WDR41: variants seen among roughly 807,000 people sequenced by gnomAD.
The protein encoded by WDR41 is WD repeat domain 41, also known as WD repeat-containing protein 41.
Under a neutral mutation model 69.3 loss-of-function variants are expected in WDR41, and 63 were observed. That is an observed-to-expected ratio of 0.91 (90% CI 0.74 to 1.12). The LOEUF (loss-of-function observed/expected upper bound fraction) is 1.12. Among genes scored for constraint, WDR41 ranks in the 50% most tolerant of loss-of-function variants. The probability of loss-of-function intolerance (pLI) is 0.00; values close to 1 mark genes in which losing one functional copy is unlikely to be tolerated. For synonymous variants in WDR41, 185 were observed against 192.1 expected, an observed-to-expected ratio of 0.96 and a Z score of 0.31; for missense variants, 543 against 534.5, an observed-to-expected ratio of 1.02 and a Z score of -0.16.
chr5:77,549,670 C>T (rs943937799), intron 1 of WDR41, among the ~76,000 whole-genome samples: 1 of 152,104 alleles, frequency 6.6e-6, no homozygotes, highest in African/African-American at 2.4e-5. Context: ...TTGGAAGAAT[C>T]AATATTATTA....
chr5:77,436,313 G>A lies in WDR41; in HGVS notation c.1175C>T (p.Ser392Leu), dbSNP rs768854198. Reference sequence around the variant, plus strand: ...ATCTCCAATAAGCTCCAGTGAACATGAAGTAGCATTTTCTTGCTGCTTTTT... The same window carrying A: ...ATCTCCAATAAGCTCCAGTGAACATAAAGTAGCATTTTCTTGCTGCTTTTT... ...PVKKQQENATSCSLELIGDLI... is the reference protein window; with the variant it reads ...PVKKQQENATLCSLELIGDLI... The change falls in exon 12 of 13, where the codon TCA (serine) becomes TTA (leucine). Residue 392 changes from serine (S) to leucine (L), a missense_variant. Coordinates refer to ENST00000296679, the MANE Select transcript of WDR41 (RefSeq NM_018268.4). 1 of 1,614,102 alleles carries A rather than the reference G, an allele frequency of 6.2e-7. No individual in the cohort carries two copies. The highest frequency in any genetic ancestry group is 2.2e-5 in the East Asian group (1 of 44,872).
At chr5:77,551,927 C>T (rs1468100281) in intron 1 of WDR41, among the ~76,000 whole-genome samples, 4 of 146,906 alleles carry the variant, frequency 2.7e-5, no homozygotes, top group Non-Finnish European at 4.5e-5. Flanking sequence ...TGCAGCGAGC[C>T]GAGATCGTGC....
chr5:77,519,718 A>G (rs1802344754), intron 1 of WDR41, among the ~76,000 whole-genome samples: 1 of 151,684 alleles, frequency 6.6e-6, no homozygotes, highest in African/African-American at 2.4e-5. Flanking sequence ...TTAAGTGTTT[A>G]TGTTAAATGT....
intron 2 of WDR41, among the ~76,000 whole-genome samples, chr5:77,473,658 A>G (rs1404041057): frequency 2.6e-5 from 4 of 152,368 alleles, no homozygotes; most frequent in Middle Eastern, 3.4e-3. Flanking sequence ...ACTTCTCAAA[A>G]GAAGATATTT....
Position 77,436,288 on chromosome 5 carries a change from A to G in WDR41, c.1200T>C (p.Asp400=). The change falls in exon 12 of 13, where the codon GAT becomes GAC. Residue 400 remains aspartate, a synonymous_variant. Transcript: ENST00000296679. ...ATSCSLELIG[D]LIGHSSSVEM... Reference sequence around the variant, plus strand: ...CCACAGATGATGAGTGTCCAATCAAATCTCCAATAAGCTCCAGTGAACATG... The same window carrying G: ...CCACAGATGATGAGTGTCCAATCAAGTCTCCAATAAGCTCCAGTGAACATG... 1.9e-6 allele frequency: 3 copies of G among 1,614,040 alleles called. No individual in the cohort carries two copies. The highest frequency in any genetic ancestry group is 2.5e-6 in the Non-Finnish European group (3 of 1,179,938).
At chr5:77,514,039 GT>G (rs1211121347) in intron 1 of WDR41, among the ~76,000 whole-genome samples, 6 of 151,856 alleles carry the variant, frequency 4.0e-5, no homozygotes, top group Non-Finnish European at 8.8e-5. Context: ...TATGCTGATT[GT>G]TTTGTTACTC....
chr5:77,475,236 G>C (rs539632681), intron 2 of WDR41, among the ~76,000 whole-genome samples: 1 of 152,332 alleles, frequency 6.6e-6, no homozygotes, highest in Non-Finnish European at 1.5e-5. Flanking sequence ...AGCCAGGCTG[G>C]GGGAGGGGCG....
intron 1 of WDR41, among the ~76,000 whole-genome samples, chr5:77,534,893 G>A (rs2112214079): frequency 6.6e-6 from 1 of 152,266 alleles, no homozygotes; most frequent in Non-Finnish European, 1.5e-5. Flanking sequence ...TTATTCCCCA[G>A]ACAAAGGGAT....
chr5:77,593,518 A>C (rs1744168303), intron 1 of WDR41, among the ~76,000 whole-genome samples: 1 of 151,666 alleles, frequency 6.6e-6, no homozygotes, highest in African/African-American at 2.4e-5. Flanking sequence ...CAGTCATTAT[A>C]AATAATATAA....
chr5:77,538,610 CCATGTTGCTGCAAAGGACATGATTTT>C (rs1490069121), intron 1 of WDR41, among the ~76,000 whole-genome samples: 1 of 152,196 alleles, frequency 6.6e-6, no homozygotes, highest in East Asian at 1.9e-4. Context: ...CCAGCTACAT[CCATGTTGCTGCAAAGGACATGATTTT>C]GTTCTTTTTT....
chr5:77,564,193 C>A (rs1306378359), intron 1 of WDR41, among the ~76,000 whole-genome samples: 1 of 152,146 alleles, frequency 6.6e-6, no homozygotes, highest in Non-Finnish European at 1.5e-5. Flanking sequence ...GTTGTTATTT[C>A]ACATCTCTGC....
intron 4 of WDR41, among the ~76,000 whole-genome samples, chr5:77,462,691 C>T (rs1351866132): frequency 6.6e-6 from 1 of 152,098 alleles, no homozygotes; most frequent in African/African-American, 2.4e-5. Flanking sequence ...GGGTTGGGAC[C>T]ATTTGGTTTC....
At chr5:77,602,896 T>C (rs188158304) in intron 1 of WDR41, among the ~76,000 whole-genome samples, 67 of 151,902 alleles carry the variant, frequency 4.4e-4, no homozygotes, top group Non-Finnish European at 5.4e-4. Flanking sequence ...TCTATAAGAG[T>C]TCCCTTTTCT....
At chr5:77,571,280 A>G (rs1352904712) in intron 1 of WDR41, among the ~76,000 whole-genome samples, 4 of 152,208 alleles carry the variant, frequency 2.6e-5, no homozygotes, top group African/African-American at 7.2e-5. Flanking sequence ...TTTTTAATAC[A>G]TAATACCCAA....
rs1377364981 is a variant in WDR41 at position 77,603,128 on chromosome 5, G to C, written c.42+17351C>G. ...AATTTTTGTATTTTTATTAGAGACG[G>C]GATTTCACCAAGTTAGCCAGGATGG... On this transcript the variant is annotated intron_variant, in intron 1 of 5. Coordinates refer to the WDR41 transcript ENST00000509971. Among the ~76,000 whole-genome samples, 22 of 151,946 alleles carry C rather than the reference G, an allele frequency of 1.4e-4. 1 individual carries two copies. Among genetic ancestry groups the C allele is most frequent in the Admixed American group, 1.4e-3 (21 of 15,264 alleles).
At chr5:77,491,130 A>C (rs1309071383) in intron 1 of WDR41, 3 of 398,336 alleles carry the variant, frequency 7.5e-6, no homozygotes, top group Non-Finnish European at 1.0e-5. Flanking sequence ...GCCCCGCCTT[A>C]ACTGATGACA....
chr5:77,545,572 G>A, intron 1 of WDR41: 1 of 281,304 alleles, frequency 3.6e-6, no homozygotes, highest in Non-Finnish European at 6.8e-6. Context: ...CACCAAGCTG[G>A]GCCGTCTGGT....
At position 77,449,827 on chromosome 5, in the gene WDR41, C is replaced by G. The variant is rs374722279; in HGVS notation, c.630G>C (p.Trp210Cys). 2 of 1,613,448 alleles carry G rather than the reference C, an allele frequency of 1.2e-6. No homozygotes were observed. The highest frequency in any genetic ancestry group is 1.1e-5 in the South Asian group (1 of 91,044). Residue 210 changes from tryptophan (W) to cysteine (C), a missense_variant, in exon 8 of 13, where the codon TGG (tryptophan) becomes TGC (cysteine). Coordinates refer to ENST00000296679, the MANE Select transcript of WDR41 (RefSeq NM_018268.4). ...GGAGGCGCTTAACTTCAAGAATATC[C>G]CATTCTAGTGATCCTTCTGTGGGTG... ...LVAPTEGSLEWDILEVKRLLD... is the reference protein window; with the variant it reads ...LVAPTEGSLECDILEVKRLLD...
At chr5:77,489,795 C>T (rs1352787767) in intron 1 of WDR41, among the ~76,000 whole-genome samples, 1 of 152,102 alleles carries the variant, frequency 6.6e-6, no homozygotes, top group Admixed American at 6.5e-5. Flanking sequence ...AAATTCGAAT[C>T]ATGAATTTTA....
Sources: allele counts gnomAD v4.1 joint callset (sites outside exome capture counted in the v4.1 genomes callset), GRCh38; gene constraint gnomAD v4.1.1; transcripts MANE v1.5; gene names NCBI Gene and HGNC (gene_info 2026-07-23, HGNC 2026-07-21).